PARP8: variants seen among roughly 807,000 people sequenced by gnomAD.
PARP8 encodes poly(ADP-ribose) polymerase family member 8.
A neutral mutation model predicts 124.1 loss-of-function variants in PARP8; 51 were observed. The ratio of observed to expected loss-of-function variants is 0.41; its 90% CI spans 0.33 to 0.52. PARP8 has a LOEUF of 0.52. PARP8 is among the 20% of genes least tolerant of loss of function. The probability of loss-of-function intolerance (pLI) is 0.21; values close to 1 mark genes in which losing one functional copy is unlikely to be tolerated. For synonymous variants in PARP8, 391 were observed against 361.5 expected (o/e 1.08, Z -0.93); for missense variants, 860 against 1,018.9 (o/e 0.84, Z 2.12).
intron 9 of PARP8, among the ~76,000 whole-genome samples, chr5:50,779,778 G>C (rs982785832): frequency 6.6e-6 from 1 of 152,060 alleles, no homozygotes; most frequent in African/African-American, 2.4e-5. Flanking sequence ...GCATATCAGG[G>C]AATATACATC....
At chr5:50,801,863 T>A (rs1266965676) in intron 14 of PARP8, among the ~76,000 whole-genome samples, 1 of 152,246 alleles carries the variant, frequency 6.6e-6, no homozygotes, top group Admixed American at 6.5e-5. Context: ...TTTTTCATGT[T>A]CTTCTTTGTC....
At chr5:50,792,863 A>G (rs993128743) in intron 10 of PARP8, among the ~76,000 whole-genome samples, 1 of 152,150 alleles carries the variant, frequency 6.6e-6, no homozygotes, top group Non-Finnish European at 1.5e-5. Context: ...TATCAAAACT[A>G]GCAGAAAAAA....
At chr5:50,757,145 A>C (rs1237047086) in intron 3 of PARP8, 1 of 455,650 alleles carries the variant, frequency 2.2e-6, no homozygotes, top group African/African-American at 2.0e-5. Context: ...CACAATGCAC[A>C]TGGTGGTGGA....
chr5:50,728,633 C>T (rs756963402), intron 2 of PARP8, among the ~76,000 whole-genome samples: 2 of 151,636 alleles, frequency 1.3e-5, no homozygotes, highest in Admixed American at 1.3e-4. Flanking sequence ...TCCCAGAATT[C>T]GTTGTCTTTC....
At chr5:50,777,996 T>C in intron 7 of PARP8, 73 bp from the exon 8 acceptor site, 1 of 1,145,134 alleles carries the variant, frequency 8.7e-7, no homozygotes, top group Non-Finnish European at 1.3e-6. Context: ...AAATTTTAAA[T>C]AAAATAACCT....
intron 2 of PARP8, among the ~76,000 whole-genome samples, chr5:50,748,879 A>G (rs919505743): frequency 3.9e-5 from 6 of 152,084 alleles, no homozygotes; most frequent in African/African-American, 1.2e-4. Flanking sequence ...CTTTCACTCA[A>G]ATTGGGAAAT....
At chr5:50,834,773 A>T in intron 24 of PARP8, 158 bp from the exon 25 acceptor site, 1 of 681,654 alleles carries the variant, frequency 1.5e-6, no homozygotes, top group Non-Finnish European at 2.6e-6. Flanking sequence ...GTTTTTATCT[A>T]TATTTCTTCA....
intron 2 of PARP8, among the ~76,000 whole-genome samples, chr5:50,746,264 A>G (rs1758529801): frequency 6.6e-6 from 1 of 152,194 alleles, no homozygotes; most frequent in Non-Finnish European, 1.5e-5. Flanking sequence ...TGTTGGGCTT[A>G]AGGATGCTTG....
At chr5:50,822,267 G>C (rs1745844567) in intron 16 of PARP8, 68 bp from the exon 17 acceptor site, 1 of 1,042,904 alleles carries the variant, frequency 9.6e-7, no homozygotes, top group African/African-American at 1.6e-5. Flanking sequence ...TATTTCTCTA[G>C]TGATATACAG....
At chr5:50,671,191 C>A (rs1445200923) in intron 2 of PARP8, among the ~76,000 whole-genome samples, 1 of 152,222 alleles carries the variant, frequency 6.6e-6, no homozygotes, top group Non-Finnish European at 1.5e-5. Context: ...TTCTGTTTTA[C>A]TGATTAGCAA....
At chr5:50,742,857 G>A (rs1265410064) in intron 2 of PARP8, among the ~76,000 whole-genome samples, 1 of 152,132 alleles carries the variant, frequency 6.6e-6, no homozygotes, top group South Asian at 2.1e-4. Flanking sequence ...TAGTCTGCAG[G>A]GGCAAGGTAG....
At chr5:50,759,175 TC>T (rs1760281540) in intron 3 of PARP8, among the ~76,000 whole-genome samples, 1 of 152,094 alleles carries the variant, frequency 6.6e-6, no homozygotes. Context: ...TGCCTAGGCC[TC>T]CCAAAGAGCT....
chr5:50,827,904 A>G, intron 19 of PARP8, 40 bp from the exon 20 acceptor site: 1 of 1,397,324 alleles, frequency 7.2e-7, no homozygotes, highest in South Asian at 1.2e-5. Context: ...ATATATGTTA[A>G]GTTTTACATG....
At chr5:50,725,092 T>C (rs557753714) in intron 2 of PARP8, among the ~76,000 whole-genome samples, 5 of 129,760 alleles carry the variant, frequency 3.9e-5, no homozygotes, top group Admixed American at 7.8e-5. Context: ...TATATATATA[T>C]ACACATATGT....
intron 22 of PARP8, among the ~76,000 whole-genome samples, chr5:50,832,086 T>C (rs540481442): frequency 2.0e-5 from 3 of 152,280 alleles, no homozygotes; most frequent in African/African-American, 7.2e-5. Flanking sequence ...CTTTGCAAAA[T>C]TTGTAAACAG....
intron 9 of PARP8, among the ~76,000 whole-genome samples, chr5:50,779,704 G>A (rs1262106684): frequency 2.0e-5 from 3 of 152,142 alleles, no homozygotes; most frequent in Non-Finnish European, 4.4e-5. Flanking sequence ...AGCACCTTGT[G>A]AAATCATGGG....
rs1346983729 is a variant in PARP8, at chr5:50,795,185, C to T, written c.1196C>T (p.Thr399Ile). The T allele has an allele frequency of 6.2e-7, 1 of 1,614,050 alleles. No homozygotes were observed. Among genetic ancestry groups the T allele is most frequent in the East Asian group, 2.2e-5 (1 of 44,894 alleles). The change falls in exon 12 of 26, where the codon ACA becomes ATA. Residue 399 changes from threonine to isoleucine, a missense_variant. Coordinates refer to ENST00000281631, the MANE Select transcript of PARP8 (RefSeq NM_024615.4). ...GGAGATCCACGATGTGAGCACAACA[C>T]AAACTTGAAGCCCCATAAACTGTTA... ...CSGDPRCEHNTNLKPHKLLSR... is the reference protein window; with the variant it reads ...CSGDPRCEHNINLKPHKLLSR...
chr5:50,757,872 G>A (rs968022874), intron 3 of PARP8, among the ~76,000 whole-genome samples: 5 of 151,924 alleles, frequency 3.3e-5, no homozygotes, highest in African/African-American at 4.8e-5. Context: ...TCCACCTTAC[G>A]GATTCTTCTG....
chr5:50,700,717 G>T (rs1753504287), intron 2 of PARP8, among the ~76,000 whole-genome samples: 1 of 152,118 alleles, frequency 6.6e-6, no homozygotes, highest in Non-Finnish European at 1.5e-5. Context: ...TTTAATAACT[G>T]AATATTTGTG....
Sources: gnomAD v4.1 joint callset for allele counts (sites outside exome capture counted in the v4.1 genomes callset) on GRCh38, gnomAD v4.1.1 for gene constraint, MANE v1.5 for transcripts, NCBI Gene and HGNC (gene_info 2026-07-23, HGNC 2026-07-21) for gene names.